BBS4: variants seen among roughly 807,000 people sequenced by gnomAD.
BBS4 encodes the protein BBSome complex member BBS4.
Under a neutral mutation model 71.4 loss-of-function variants are expected in BBS4, and 58 were observed. The ratio of observed to expected loss-of-function variants is 0.81; its 90% CI spans 0.66 to 1.01. The LOEUF (loss-of-function observed/expected upper bound fraction) is 1.01. Among genes scored for constraint, BBS4 ranks in the 50% least tolerant of loss-of-function variants. The pLI is 0.00. For synonymous variants in BBS4, 228 were observed against 216.8 expected (o/e 1.05, Z -0.46); for missense variants, 660 against 607.9 (o/e 1.09, Z -0.90).
chr15:72,723,212 A>G (rs1001176678), intron 7 of BBS4, among the ~76,000 whole-genome samples: 1 of 152,212 alleles, frequency 6.6e-6, no homozygotes, highest in African/African-American at 2.4e-5. Flanking sequence ...AGCTATCTCC[A>G]TGCCCTGACG....
rs2065633233 is a variant in BBS4 at position 72,724,561 on chromosome 15, A to G, written c.493A>G (p.Asn165Asp). The change falls in exon 8 of 16, where the codon AAT becomes GAT. Residue 165 changes from asparagine (N) to aspartate (D), a missense_variant. Coordinates refer to ENST00000268057, the MANE Select transcript of BBS4 (RefSeq NM_033028.5). The part of the protein sequence containing the change: ...QDQLHNALNL[N>D]RHDLTYIMLG... ...CCAGTTGCACAATGCCCTGAATCTT[A>G]ATAGGCACGATCTGACTTATATAAT... 1 of 1,613,994 alleles carries G rather than the reference A, an allele frequency of 6.2e-7. No homozygotes were observed. Among genetic ancestry groups the G allele is most frequent in the Non-Finnish European group, 8.5e-7 (1 of 1,179,988 alleles).
At chr15:72,689,780 T>TTTTTTTTATTTA (rs747536794) in intron 1 of BBS4, among the ~76,000 whole-genome samples, 25 of 147,654 alleles carry the variant, frequency 1.7e-4, no homozygotes, top group African/African-American at 5.0e-4. Flanking sequence ...TTATAAATCT[T>TTTTTTTTATTTA]TTTATTTATT....
chr15:72,711,335 G>C (rs1424058451), intron 3 of BBS4, among the ~76,000 whole-genome samples: 1 of 151,744 alleles, frequency 6.6e-6, no homozygotes, highest in Non-Finnish European at 1.5e-5. Context: ...TTTTAGTAGA[G>C]ATGGGGTTTT....
intron 6 of BBS4, among the ~76,000 whole-genome samples, chr15:72,721,468 A>G (rs1386087381): frequency 6.6e-6 from 1 of 152,092 alleles, no homozygotes; most frequent in Non-Finnish European, 1.5e-5. Flanking sequence ...ATGTAGAACT[A>G]AAAAAGAAAA....
intron 8 of BBS4, among the ~76,000 whole-genome samples, chr15:72,727,645 CA>C (rs2065728153): frequency 6.6e-6 from 1 of 152,202 alleles, no homozygotes; most frequent in African/African-American, 2.4e-5. Flanking sequence ...TTAATTTTAT[CA>C]GTGTGACCAA....
intron 7 of BBS4, among the ~76,000 whole-genome samples, chr15:72,724,040 T>C (rs543428180): frequency 3.3e-4 from 51 of 152,342 alleles, no homozygotes; most frequent in African/African-American, 1.2e-3. Context: ...GAGTTGGTTT[T>C]ATAAACTCAA....
chr15:72,698,377 CAAT>C (rs1860773396), intron 2 of BBS4, among the ~76,000 whole-genome samples: 1 of 152,152 alleles, frequency 6.6e-6, no homozygotes, highest in Admixed American at 6.6e-5. Flanking sequence ...ACCCATTAAA[CAAT>C]AAATCTCCAC....
chr15:72,714,072 G>T (rs2065424009), intron 4 of BBS4, among the ~76,000 whole-genome samples: 1 of 152,052 alleles, frequency 6.6e-6, no homozygotes, highest in African/African-American at 2.4e-5. Flanking sequence ...TGGAAGGATT[G>T]CTTGTAATCA....
intron 1 of BBS4, 137 bp downstream of exon 1, chr15:72,686,388 T>C: frequency 1.3e-6 from 2 of 1,536,588 alleles, no homozygotes; most frequent in Non-Finnish European, 1.7e-6. Context: ...GGCGACACGG[T>C]CCCCTTTTTA....
At chr15:72,707,014 A>G (rs1249416275) in intron 2 of BBS4, among the ~76,000 whole-genome samples, 1 of 150,892 alleles carries the variant, frequency 6.6e-6, no homozygotes, top group Non-Finnish European at 1.5e-5. Context: ...GGCAACATTA[A>G]CTCTGAGTCA....
intron 1 of BBS4, among the ~76,000 whole-genome samples, chr15:72,690,052 C>T (rs1313130954): frequency 2.6e-5 from 4 of 151,978 alleles, no homozygotes; most frequent in Non-Finnish European, 5.9e-5. Flanking sequence ...CCTTGTGATC[C>T]GCCCGACTCA....
rs117852179 is a variant in BBS4, at chr15:72,736,727, G to C, written c.1249-35G>C. The C allele has an allele frequency of 0.033, 53,688 of 1,609,610 alleles. 1,040 individuals are homozygous for C. The highest frequency in any genetic ancestry group is 0.038 in the Non-Finnish European group (44,274 of 1,176,198). On this transcript the variant is annotated intron_variant, in intron 14 of 15. Coordinates refer to ENST00000268057, the MANE Select transcript of BBS4 (RefSeq NM_033028.5). ...GGGTTGGCTTGTCTCTGACAGTCACGCTTTTGATTCTTTTACTTCCTTTGT... is the reference window on the plus strand; with the variant it reads ...GGGTTGGCTTGTCTCTGACAGTCACCCTTTTGATTCTTTTACTTCCTTTGT...
At position 72,689,051 on chromosome 15, in the gene BBS4, A is replaced by G. The variant is rs141017735; in HGVS notation, c.24+2800A>G. 2.2e-3 allele frequency among the ~76,000 whole-genome samples: 335 copies of G among 152,246 alleles called. 1 individual carries two copies. Among genetic ancestry groups the G allele is most frequent in the African/African-American group, 7.7e-3 (319 of 41,550 alleles). On this transcript the variant is annotated intron_variant, in intron 1 of 15. Coordinates refer to ENST00000268057, the MANE Select transcript of BBS4 (RefSeq NM_033028.5). ...AAGAAAAAAAAAAAAAGAGAATGTT[A>G]CGACTAATTGACTTGGAGGGACTTC...
intron 4 of BBS4, among the ~76,000 whole-genome samples, chr15:72,712,711 G>A (rs567884616): frequency 2.4e-4 from 36 of 152,314 alleles, no homozygotes; most frequent in African/African-American, 8.4e-4. Context: ...TGGACTGGAA[G>A]TTGCTCTGGG....
Position 72,719,263 on chromosome 15 carries a change from A to AT in BBS4, c.405+2430dup, listed in dbSNP as rs34214646. ...ATGCTAGCAGTTTTTTACTTTCTAA[A>AT]TTTTTTTTTTTTTTTTTAAGAGACA... On this transcript the variant is annotated intron_variant, in intron 6 of 15. Transcript: ENST00000268057. Among the ~76,000 whole-genome samples the AT allele has an allele frequency of 9.1e-3, 1,280 of 140,912 alleles. 22 individuals are homozygous for AT. The highest frequency in any genetic ancestry group is 0.059 in the South Asian group (257 of 4,368). 92.4% of individuals were successfully genotyped at this position (140,912 alleles called of 152,430 possible).
chr15:72,734,416 C>T (rs1294601955), intron 12 of BBS4, among the ~76,000 whole-genome samples: 2 of 152,172 alleles, frequency 1.3e-5, no homozygotes, highest in Non-Finnish European at 2.9e-5. Flanking sequence ...TGCAGTGTCC[C>T]TTGCTGTTAG....
chr15:72,725,765 C>CCCCCTTCCTCTTCCCCTTCCTCTT (rs377550904), intron 8 of BBS4, among the ~76,000 whole-genome samples: 1 of 63,012 alleles, frequency 1.6e-5, no homozygotes, highest in South Asian at 1.2e-3. Context: ...CTTCCCCCTT[C>CCCCCTTCCTCTTCCCCTTCCTCTT]CCCCTTCCTC....
At chr15:72,710,201 T>C (rs968309846) in intron 3 of BBS4, among the ~76,000 whole-genome samples, 11,331 of 132,204 alleles carry the variant, frequency 0.086, 861 homozygotes, top group African/African-American at 0.1. Flanking sequence ...TCGAGTTTTT[T>C]TTTTTTTTTT....
In BBS4 at chr15:72,731,457, G is replaced by A. The variant is rs141345544; in HGVS notation, c.864G>A (p.Ala288=). 1.5e-4 allele frequency: 250 copies of A among 1,614,118 alleles called. 1 individual carries two copies. The African/African-American group carries it at 2.7e-3, about 18-fold the overall frequency. The part of the protein sequence containing the change: ...MCFFGKKKYV[A]AISCLKRANY... ...TCTTTGGCAAGAAGAAATATGTGGC[G>A]GTGAGTGTCCCCTCATGTTCTTTGT... The change falls in exon 11 of 16, where the codon GCG becomes GCA. Residue 288 remains alanine (A), a splice_region_variant and synonymous_variant. Transcript: ENST00000268057.
Sources: allele counts gnomAD v4.1 joint callset (sites outside exome capture counted in the v4.1 genomes callset), GRCh38; gene constraint gnomAD v4.1.1; transcripts MANE v1.5; gene names NCBI Gene and HGNC (gene_info 2026-07-23, HGNC 2026-07-21).